Variants in RGS5 observed in about 807,000 individuals in gnomAD.
RGS5 encodes regulator of G protein signaling 5.
A neutral mutation model predicts 18.9 loss-of-function variants in RGS5; 20 were observed. That is an observed-to-expected ratio of 1.06 (90% confidence interval 0.74 to 1.54). The LOEUF (loss-of-function observed/expected upper bound fraction) is 1.54. Among genes scored for constraint, RGS5 ranks in the 40% most tolerant of loss-of-function variants. The pLI, the probability that RGS5 is intolerant of heterozygous loss-of-function variation, is 0.00. For missense variants in RGS5, 201 were observed against 211.8 expected, an observed-to-expected ratio of 0.95 and a Z score of 0.32; for synonymous variants, 57 against 76.2, an observed-to-expected ratio of 0.75 and a Z score of 1.31.
chr1:163,254,744 A>T (rs1188846092), intron 2 of RGS5, among the ~76,000 whole-genome samples: 1 of 152,014 alleles, frequency 6.6e-6, no homozygotes, highest in South Asian at 2.1e-4. Context: ...CTGAATGGTA[A>T]TGCCTAGGTT....
At chr1:163,203,004 T>G (rs1411898006), upstream of RGS5, 6 of 599,614 alleles carry the variant, frequency 1.0e-5, no homozygotes, top group Non-Finnish European at 1.5e-5. Flanking sequence ...TAGAGGAAAC[T>G]GCAGGCTGGA....
intron 2 of RGS5, among the ~76,000 whole-genome samples, chr1:163,285,366 C>G (rs796783679): frequency 4.6e-5 from 7 of 152,094 alleles, no homozygotes; most frequent in African/African-American, 1.7e-4. Context: ...CCCAGCCTGG[C>G]CAACATGGTG....
At chr1:163,210,543 A>C (rs866672681) in intron 1 of RGS5, among the ~76,000 whole-genome samples, 4 of 152,310 alleles carry the variant, frequency 2.6e-5, no homozygotes, top group Middle Eastern at 3.4e-3. Context: ...CTGAAGAAAG[A>C]GAGAAAGTAT....
At position 163,147,295 on chromosome 1, in the gene RGS5, T is replaced by G; in HGVS notation, c.*47A>C. Reference sequence around the variant, plus strand: ...AGATTAATGGGAAATGCAGGGTTATTATGGAGGAAATAACTCACAGGATGA... The same window carrying G: ...AGATTAATGGGAAATGCAGGGTTATGATGGAGGAAATAACTCACAGGATGA... On this transcript the variant is annotated 3_prime_UTR_variant, in exon 5 of 5. Coordinates refer to ENST00000313961, the MANE Select transcript of RGS5 (RefSeq NM_003617.4). The G allele has an allele frequency of 6.5e-7, 1 of 1,534,842 alleles. No individual in the cohort carries two copies. The highest frequency in any genetic ancestry group is 1.3e-5 in the South Asian group (1 of 76,706).
intron 2 of RGS5, among the ~76,000 whole-genome samples, chr1:163,247,216 G>A (rs898219696): frequency 2.6e-5 from 4 of 152,110 alleles, no homozygotes; most frequent in African/African-American, 9.7e-5. Context: ...ATCTGCACAT[G>A]TTCCCCCTAA....
rs1316073131 is a variant in RGS5, at chr1:163,185,215, CA to C, written c.45-16848del. ...CCTATAGTCTTTATTTACACACACA[CA>C]CACACGCAGAGGGGTGTGAGTGGGC... On this transcript the variant is annotated intron_variant, in intron 1 of 4. Transcript: ENST00000313961. Among the ~76,000 whole-genome samples, 3 of 152,216 alleles carry C rather than the reference CA, an allele frequency of 2.0e-5. No homozygotes were observed. The East Asian group carries it at 5.8e-4, about 29-fold the overall frequency.
chr1:163,306,979 C>T (rs1403665249), intron 1 of RGS5, among the ~76,000 whole-genome samples: 1 of 152,156 alleles, frequency 6.6e-6, no homozygotes, highest in Non-Finnish European at 1.5e-5. Flanking sequence ...GTTGGTGATA[C>T]TTGTTATGGC....
chr1:163,192,399 C>T (rs1345972620), intron 1 of RGS5, among the ~76,000 whole-genome samples: 2 of 152,070 alleles, frequency 1.3e-5, no homozygotes, highest in African/African-American at 4.8e-5. Flanking sequence ...CATTGGGTGT[C>T]AGAAGTGAAG....
At chr1:163,274,328 T>C (rs1343101373) in intron 2 of RGS5, among the ~76,000 whole-genome samples, 3 of 124,874 alleles carry the variant, frequency 2.4e-5, no homozygotes, top group South Asian at 6.1e-4. Flanking sequence ...ATTGAATCTA[T>C]AAAACTCTTG....
intron 1 of RGS5, among the ~76,000 whole-genome samples, chr1:163,176,970 A>T (rs1271298818): frequency 6.6e-6 from 1 of 152,248 alleles, no homozygotes; most frequent in Non-Finnish European, 1.5e-5. Flanking sequence ...AACTCTTTAG[A>T]AAGACCATGC....
At chr1:163,267,962 T>C (rs1571329823) in intron 2 of RGS5, among the ~76,000 whole-genome samples, 1 of 152,098 alleles carries the variant, frequency 6.6e-6, no homozygotes, top group East Asian at 1.9e-4. Flanking sequence ...TGCTCCCAGG[T>C]GATTTATAAA....
chr1:163,301,758 A>C (rs1215764562), intron 2 of RGS5, among the ~76,000 whole-genome samples: 1 of 152,006 alleles, frequency 6.6e-6, no homozygotes, highest in Non-Finnish European at 1.5e-5. Context: ...GATCCGTGAG[A>C]CTCCCTGGTT....
intron 2 of RGS5, among the ~76,000 whole-genome samples, chr1:163,233,736 G>A (rs975833636): frequency 1.3e-5 from 2 of 152,144 alleles, no homozygotes; most frequent in Non-Finnish European, 2.9e-5. Context: ...TCTCAAGGGA[G>A]GGAAGAATAT....
intron 2 of RGS5, among the ~76,000 whole-genome samples, chr1:163,273,966 C>A (rs1236779816): frequency 6.6e-6 from 1 of 152,066 alleles, no homozygotes; most frequent in African/African-American, 2.4e-5. Context: ...CACCATTGTG[C>A]CTGCATAGCT....
upstream of RGS5, among the ~76,000 whole-genome samples, chr1:163,203,862 G>T (rs954455525): frequency 1.3e-5 from 2 of 150,480 alleles, no homozygotes; most frequent in African/African-American, 4.9e-5. Context: ...CCTGAATTGT[G>T]TCTTATCTTG....
intron 2 of RGS5, among the ~76,000 whole-genome samples, chr1:163,249,930 A>G (rs1434331831): frequency 2.6e-5 from 4 of 152,204 alleles, no homozygotes; most frequent in Admixed American, 2.0e-4. Flanking sequence ...ATTCTCATCT[A>G]TTTATCTTTC....
chr1:163,222,774 G>A (rs964181633), intron 2 of RGS5, among the ~76,000 whole-genome samples: 14 of 152,192 alleles, frequency 9.2e-5, no homozygotes, highest in African/African-American at 3.1e-4. Flanking sequence ...TGAGATGACC[G>A]AAGTCAGGTT....
At chr1:163,246,826 A>T (rs1313738603) in intron 2 of RGS5, among the ~76,000 whole-genome samples, 1 of 152,220 alleles carries the variant, frequency 6.6e-6, no homozygotes, top group Non-Finnish European at 1.5e-5. Context: ...TCTGCATGGA[A>T]TCAATCTAGA....
chr1:163,196,176 T>C (rs1323596773), intron 1 of RGS5, among the ~76,000 whole-genome samples: 1 of 152,176 alleles, frequency 6.6e-6, no homozygotes, highest in Non-Finnish European at 1.5e-5. Flanking sequence ...GTAGTGCAGA[T>C]GCAATGTTAT....
Sources: allele counts gnomAD v4.1 joint callset (sites outside exome capture counted in the v4.1 genomes callset), GRCh38; gene constraint gnomAD v4.1.1; transcripts MANE v1.5; gene names NCBI Gene and HGNC (gene_info 2026-07-23, HGNC 2026-07-21).